Variants in ENOX1 observed in about 807,000 individuals in gnomAD.
ENOX1 encodes the protein candidate growth-related and time keeping constitutive hydroquinone (NADH) oxidase.
Under a neutral mutation model 82.5 loss-of-function variants are expected in ENOX1, and 42 were observed. The observed-to-expected ratio is 0.51, with a 90% confidence interval of 0.40 to 0.66. The LOEUF (loss-of-function observed/expected upper bound fraction) is 0.66, where lower values mean the gene tolerates loss of function less well. Ranked by LOEUF, ENOX1 falls within the 30% of genes least tolerant of loss-of-function variation. The pLI, the probability that ENOX1 is intolerant of heterozygous loss-of-function variation, is 0.00. For synonymous variants in ENOX1, 271 were observed against 282.2 expected (o/e 0.96, Z 0.40); for missense variants, 608 against 811.6 (o/e 0.75, Z 3.05).
chr13:43,709,188 C>T (rs991132520), intron 1 of ENOX1, among the ~76,000 whole-genome samples: 2 of 152,000 alleles, frequency 1.3e-5, no homozygotes, highest in Non-Finnish European at 2.9e-5. Context: ...ACGGCTTCAG[C>T]TTGACATCAT....
At chr13:43,432,285 G>A (rs753959376) in intron 3 of ENOX1, among the ~76,000 whole-genome samples, 4 of 152,104 alleles carry the variant, frequency 2.6e-5, no homozygotes, top group Non-Finnish European at 4.4e-5. Flanking sequence ...AAAATTCACT[G>A]TATTTTCAAG....
intron 11 of ENOX1, 72 bp downstream of exon 11, chr13:43,322,312 T>C: frequency 8.5e-7 from 1 of 1,182,486 alleles, no homozygotes; most frequent in Non-Finnish European, 1.2e-6. Flanking sequence ...TAGGGCCATT[T>C]ACTTATTCCC....
chr13:43,280,277 T>C (rs116381117), intron 12 of ENOX1, among the ~76,000 whole-genome samples: 266 of 152,356 alleles, frequency 1.7e-3, no homozygotes, highest in African/African-American at 4.6e-3. Flanking sequence ...GATCAGAGAT[T>C]ACAGCTAGAA....
At chr13:43,584,498 T>C (rs186976149) in intron 2 of ENOX1, among the ~76,000 whole-genome samples, 11 of 152,270 alleles carry the variant, frequency 7.2e-5, no homozygotes, top group Admixed American at 4.6e-4. Context: ...AGGAACAGAA[T>C]ATTAAACAGA....
chr13:43,276,672 T>C (rs551995980), intron 12 of ENOX1, among the ~76,000 whole-genome samples: 14 of 152,328 alleles, frequency 9.2e-5, no homozygotes, highest in South Asian at 4.1e-4. Flanking sequence ...TAGAGAAAGT[T>C]TGAGATTTAA....
intron 2 of ENOX1, among the ~76,000 whole-genome samples, chr13:43,629,148 G>A (rs940155086): frequency 2.6e-5 from 4 of 152,214 alleles, no homozygotes; most frequent in Non-Finnish European, 5.9e-5. Flanking sequence ...CCCCACAGGA[G>A]AATAGTTATA....
Position 43,358,569 on chromosome 13 carries a change from G to A in ENOX1, c.589+1282C>T, listed in dbSNP as rs181191982. On this transcript the variant is annotated intron_variant, in intron 7 of 16. Transcript: ENST00000690772. ...TAGGGTTCTTGAGATAGAAAAATCC[G>A]TCCTTCTTTATCATCATCAGGATAT... Among the ~76,000 whole-genome samples the A allele has an allele frequency of 1.2e-3, 185 of 152,252 alleles. 1 individual carries two copies. The highest frequency in any genetic ancestry group is 3.9e-3 in the African/African-American group (160 of 41,530).
intron 12 of ENOX1, among the ~76,000 whole-genome samples, chr13:43,270,300 G>A (rs933716830): frequency 5.9e-5 from 9 of 152,138 alleles, no homozygotes; most frequent in African/African-American, 2.2e-4. Flanking sequence ...ATATACATAG[G>A]CTGGAGAATA....
chr13:43,332,224 CA>C (rs1555323722), intron 9 of ENOX1, among the ~76,000 whole-genome samples: 2 of 152,086 alleles, frequency 1.3e-5, no homozygotes, highest in Non-Finnish European at 2.9e-5. Context: ...TTTCCATGGA[CA>C]GGGGGTTGGG....
intron 15 of ENOX1, among the ~76,000 whole-genome samples, chr13:43,232,799 C>CCT (rs1369432842): frequency 3.9e-5 from 6 of 152,264 alleles, no homozygotes; most frequent in Non-Finnish European, 7.4e-5. Flanking sequence ...ATAGTATTTA[C>CCT]AATGACTAGC....
At chr13:43,304,394 A>G (rs2046749174) in intron 11 of ENOX1, among the ~76,000 whole-genome samples, 1 of 152,158 alleles carries the variant, frequency 6.6e-6, no homozygotes, top group Non-Finnish European at 1.5e-5. Context: ...GTTGGAGGTA[A>G]AAGGTGTGGC....
chr13:43,663,098 G>C (rs1353721682), intron 2 of ENOX1, among the ~76,000 whole-genome samples: 3 of 152,152 alleles, frequency 2.0e-5, no homozygotes, highest in Non-Finnish European at 4.4e-5. Flanking sequence ...ATTAAAGAGA[G>C]CTTGACTTCC....
intron 5 of ENOX1, among the ~76,000 whole-genome samples, chr13:43,374,121 C>CTCCTT (rs113131234): frequency 9.3e-5 from 14 of 150,332 alleles, no homozygotes; most frequent in Admixed American, 2.7e-4. Context: ...CTCCCTTCCC[C>CTCCTT]TCCTTTCCTT....
Position 43,387,108 on chromosome 13 carries a change from G to A in ENOX1, c.208+24808C>T, listed in dbSNP as rs188120377. On this transcript the variant is annotated intron_variant, in intron 5 of 16. Transcript: ENST00000690772. The stretch of plus-strand genomic sequence containing the variant: ...AGGCATTGTTTTAGGAACTGGAGAC[G>A]CAACTTTGAACAGGACAGACTTGCT... Among the ~76,000 whole-genome samples, 30 of 152,244 alleles carry A rather than the reference G, an allele frequency of 2.0e-4. No homozygotes were observed. The East Asian group carries it at 5.6e-3, about 28-fold the overall frequency.
At chr13:43,658,285 G>A (rs1289466308) in intron 2 of ENOX1, among the ~76,000 whole-genome samples, 1 of 152,030 alleles carries the variant, frequency 6.6e-6, no homozygotes, top group African/African-American at 2.4e-5. Context: ...TCATACTAAA[G>A]ACAAAAATTT....
chr13:43,295,183 G>T (rs1428969755), intron 12 of ENOX1, among the ~76,000 whole-genome samples: 1 of 152,174 alleles, frequency 6.6e-6, no homozygotes, highest in African/African-American at 2.4e-5. Context: ...AATATGTATA[G>T]TCTTTACTTG....
intron 2 of ENOX1, among the ~76,000 whole-genome samples, chr13:43,662,533 C>A (rs1220075238): frequency 6.6e-6 from 1 of 152,084 alleles, no homozygotes; most frequent in African/African-American, 2.4e-5. Context: ...CTTTTCTGTA[C>A]ATATTTCTGA....
chr13:43,688,191 C>T (rs1407783884), intron 1 of ENOX1, among the ~76,000 whole-genome samples: 1 of 1,280 alleles, frequency 7.8e-4, no homozygotes, highest in Non-Finnish European at 0.012. Context: ...GGAGTGGTAT[C>T]ATTAACGGGA....
At chr13:43,707,510 C>T (rs1205016128) in intron 1 of ENOX1, among the ~76,000 whole-genome samples, 2 of 151,916 alleles carry the variant, frequency 1.3e-5, no homozygotes, top group Non-Finnish European at 2.9e-5. Flanking sequence ...CCAAGGCGGG[C>T]GGATCATGAG....
Sources: gnomAD v4.1 joint callset for allele counts (sites outside exome capture counted in the v4.1 genomes callset) on GRCh38, gnomAD v4.1.1 for gene constraint, MANE v1.5 for transcripts, NCBI Gene and HGNC (gene_info 2026-07-23, HGNC 2026-07-21) for gene names.